Variants in DDX60L observed in about 807,000 individuals in gnomAD.
DDX60L encodes DExD/H-box 60 like, also known as probable ATP-dependent RNA helicase DDX60-like.
In DDX60L, 191 loss-of-function variants were observed where a neutral mutation model predicts 211.6. The ratio of observed to expected loss-of-function variants is 0.90; its 90% confidence interval spans 0.80 to 1.02. DDX60L has a LOEUF of 1.02. DDX60L is among the 50% of genes least tolerant of loss of function. DDX60L has a pLI of 0.00. For synonymous variants in DDX60L, 706 were observed against 694.1 expected, an observed-to-expected ratio of 1.02 and a Z score of -0.27; for missense variants, 2,007 against 1,984.1, an observed-to-expected ratio of 1.01 and a Z score of -0.22.
At chr4:168,379,985 T>C in intron 30 of DDX60L, 155 bp from the exon 31 acceptor site, 1 of 519,334 alleles carries the variant, frequency 1.9e-6, no homozygotes, top group Non-Finnish European at 3.4e-6. Context: ...TCTTTGATTG[T>C]ATCTTCACAT....
chr4:168,386,855 G>C (rs1205648795), intron 29 of DDX60L, among the ~76,000 whole-genome samples: 2 of 152,190 alleles, frequency 1.3e-5, no homozygotes, highest in Non-Finnish European at 2.9e-5. Context: ...AAGAAGATTA[G>C]ATTGATTAGG....
chr4:168,386,633 G>T (rs1743932581), intron 29 of DDX60L, among the ~76,000 whole-genome samples: 1 of 149,976 alleles, frequency 6.7e-6, no homozygotes, highest in South Asian at 2.1e-4. Context: ...AAGTAACTTA[G>T]CCACAATCCA....
chr4:168,414,073 G>C (rs1040177332), intron 22 of DDX60L, among the ~76,000 whole-genome samples: 11 of 151,944 alleles, frequency 7.2e-5, no homozygotes, highest in African/African-American at 2.7e-4. Context: ...AGAAGAGAGT[G>C]GCATGACATA....
At chr4:168,438,559 T>A (rs1260980049) in intron 10 of DDX60L, among the ~76,000 whole-genome samples, 4 of 152,248 alleles carry the variant, frequency 2.6e-5, no homozygotes, top group Non-Finnish European at 4.4e-5. Context: ...ACAGTTTGGT[T>A]TTTAATTCAG....
chr4:168,433,003 T>C lies in DDX60L; in HGVS notation c.1400+7A>G. On this transcript the variant is annotated splice_region_variant and intron_variant, in intron 11 of 37. Coordinates refer to ENST00000682922, the MANE Select transcript of DDX60L (RefSeq NM_001012967.3). Reference sequence around the variant, plus strand: ...GCACTAAATCAGGTACTTCATTAACTCTGTACCTCTTTAGAATAGGCAAAT... The same window carrying C: ...GCACTAAATCAGGTACTTCATTAACCCTGTACCTCTTTAGAATAGGCAAAT... 1.3e-6 allele frequency: 2 copies of C among 1,574,016 alleles called. No homozygotes were observed. Among genetic ancestry groups the C allele is most frequent in the Non-Finnish European group, 1.7e-6 (2 of 1,149,190 alleles).
In DDX60L at chr4:168,441,214, G is replaced by A; in HGVS notation, c.1294+123C>T. On this transcript the variant is annotated intron_variant, in intron 10 of 37. Coordinates refer to ENST00000682922, the MANE Select transcript of DDX60L (RefSeq NM_001012967.3). ...TATGTATTTTAAACCTCAATTAAGA[G>A]GTAAACAAGAAAGCACAGTGAAGGA... The A allele has an allele frequency of 5.5e-6, 5 of 914,392 alleles. No homozygotes were observed. The East Asian group carries it at 7.5e-5, about 14-fold the overall frequency. The allele number at this position is 914,392 out of a possible 1,614,324, so 56.6% of individuals were successfully genotyped here.
chr4:168,425,172 A>G (rs1205596332), intron 14 of DDX60L, among the ~76,000 whole-genome samples: 1 of 152,244 alleles, frequency 6.6e-6, no homozygotes. Flanking sequence ...TGAAAGAGAA[A>G]TAAACTATCT....
intron 1 of DDX60L, among the ~76,000 whole-genome samples, chr4:168,476,845 T>C (rs1759570555): frequency 6.6e-6 from 1 of 152,172 alleles, no homozygotes; most frequent in East Asian, 1.9e-4. Flanking sequence ...TGAGTGGAAG[T>C]GATAGCCAGA....
At chr4:168,359,175 C>G (rs1169816523) in intron 37 of DDX60L, among the ~76,000 whole-genome samples, 1 of 152,108 alleles carries the variant, frequency 6.6e-6, no homozygotes, top group African/African-American at 2.4e-5. Flanking sequence ...CTTATTCACT[C>G]TAGAGCAGAG....
chr4:168,416,817 CAGTTGAAA>C lies in DDX60L; in HGVS notation c.2611-28_2611-21del. ...ATGGACCTAGTAAAGAAAAAAAAAT[CAGTTGAAA>C]AGTTGATGTCAAAATCGTAAATAAA... On this transcript the variant is annotated intron_variant, in intron 19 of 37. Transcript: ENST00000682922. 1.5e-6 allele frequency: 2 copies of C among 1,329,504 alleles called. No individual in the cohort carries two copies. Among genetic ancestry groups the C allele is most frequent in the Non-Finnish European group, 2.1e-6 (2 of 960,162 alleles). The allele number at this position is 1,329,504 out of a possible 1,614,324, so 82.4% of individuals were successfully genotyped here.
At chr4:168,412,025 C>A (rs1489143282) in intron 22 of DDX60L, among the ~76,000 whole-genome samples, 2 of 151,858 alleles carry the variant, frequency 1.3e-5, no homozygotes. Context: ...CCAGATTTGG[C>A]AGGATTCATC....
intron 26 of DDX60L, among the ~76,000 whole-genome samples, chr4:168,398,337 C>G (rs963127301): frequency 6.6e-6 from 1 of 152,230 alleles, no homozygotes; most frequent in Non-Finnish European, 1.5e-5. Flanking sequence ...ACGCTCAGGA[C>G]AGCGCTGACA....
At chr4:168,453,404 T>C (rs1231786799) in intron 7 of DDX60L, 122 bp from the exon 8 acceptor site, 1 of 1,023,148 alleles carries the variant, frequency 9.8e-7, no homozygotes, top group Non-Finnish European at 1.4e-6. Context: ...GAAAGTCCCC[T>C]TCTGCATACA....
At chr4:168,409,643 G>A (rs1034874815) in intron 22 of DDX60L, among the ~76,000 whole-genome samples, 1 of 152,184 alleles carries the variant, frequency 6.6e-6, no homozygotes, top group African/African-American at 2.4e-5. Flanking sequence ...GTTTGAAAAT[G>A]TCTGGAAGAC....
rs572174802 is a variant in DDX60L, at chr4:168,406,057, T to C, written c.3106A>G (p.Ile1036Val). Residue 1036 changes from isoleucine (I) to valine (V), a missense_variant, in exon 24 of 38, where the codon ATT becomes GTT. Coordinates refer to ENST00000682922, the MANE Select transcript of DDX60L (RefSeq NM_001012967.3). ...ATGACTATCTTATTCTTAAAAAGAA[T>C]GAATTCCTCTGGACACAATTCCTTG... ...RAQELCPEEF[I>V]LFKNKIVIKK... 1.3e-6 allele frequency: 2 copies of C among 1,599,160 alleles called. No individual in the cohort carries two copies. The highest frequency in any genetic ancestry group is 2.3e-5 in the East Asian group (1 of 44,094).
chr4:168,416,552 G>A (rs539682083), intron 20 of DDX60L, 130 bp downstream of exon 20: 10 of 523,732 alleles, frequency 1.9e-5, no homozygotes, highest in African/African-American at 4.0e-5. Flanking sequence ...GACCACTGAC[G>A]TTTCAAAGAT....
At chr4:168,414,228 T>C (rs1749146893) in intron 22 of DDX60L, among the ~76,000 whole-genome samples, 1 of 151,762 alleles carries the variant, frequency 6.6e-6, no homozygotes, top group African/African-American at 2.4e-5. Flanking sequence ...CTAAAGGGAG[T>C]TCTTCAGTGG....
intron 15 of DDX60L, 68 bp from the exon 16 acceptor site, chr4:168,422,738 C>A (rs1036091719): frequency 3.3e-6 from 4 of 1,226,048 alleles, no homozygotes; most frequent in Non-Finnish European, 4.6e-6. Context: ...TATTAAATAT[C>A]CACTGAGCAC....
intron 11 of DDX60L, 27 bp from the exon 12 acceptor site, chr4:168,432,597 T>A (rs776035089): frequency 4.6e-5 from 63 of 1,383,832 alleles, no homozygotes; most frequent in Middle Eastern, 3.9e-4. Context: ...ATAATTTTTT[T>A]AAATTTTAAG....
Sources: allele counts gnomAD v4.1 joint callset (sites outside exome capture counted in the v4.1 genomes callset), GRCh38; gene constraint gnomAD v4.1.1; transcripts MANE v1.5; gene names NCBI Gene and HGNC (gene_info 2026-07-23, HGNC 2026-07-21).